Variants in PPFIBP1 observed in about 807,000 individuals in gnomAD.
The protein encoded by PPFIBP1 is PPFIB scaffold protein 1, also known as liprin-beta-1.
PPFIBP1 carries 112 observed loss-of-function variants against 137.8 expected under a neutral mutation model. The ratio of observed to expected loss-of-function variants is 0.81; its 90% CI spans 0.70 to 0.95. The LOEUF (loss-of-function observed/expected upper bound fraction) is 0.95, where lower values mean the gene tolerates loss of function less well. Among genes scored for constraint, PPFIBP1 ranks in the 40% least tolerant of loss-of-function variants. PPFIBP1 has a pLI of 0.00. For missense variants in PPFIBP1, 1,083 were observed against 1,196.6 expected, an observed-to-expected ratio of 0.91 and a Z score of 1.40; for synonymous variants, 378 against 417.3, an observed-to-expected ratio of 0.91 and a Z score of 1.15.
At chr12:27,550,993 T>TATATATATATATATA (rs1565751277) in intron 1 of PPFIBP1, among the ~76,000 whole-genome samples, 3 of 93,986 alleles carry the variant, frequency 3.2e-5, no homozygotes, top group African/African-American at 1.4e-4. Flanking sequence ...ATATATATAT[T>TATATATATATATATA]TTTTTTTTTT....
chr12:27,527,566 C>T (rs529165826), intron 1 of PPFIBP1, among the ~76,000 whole-genome samples: 6 of 152,116 alleles, frequency 3.9e-5, no homozygotes, highest in East Asian at 3.9e-4. Context: ...GATGTTATTA[C>T]GTGTCTCTGG....
At chr12:27,536,057 A>G (rs142909930) in intron 1 of PPFIBP1, among the ~76,000 whole-genome samples, 137 of 152,334 alleles carry the variant, frequency 9.0e-4, no homozygotes, top group South Asian at 2.3e-3. Flanking sequence ...TCTGTATGCA[A>G]TCAAGTTCTG....
chr12:27,617,508 A>T (rs1438995620), intron 2 of PPFIBP1, among the ~76,000 whole-genome samples: 3 of 152,188 alleles, frequency 2.0e-5, no homozygotes, highest in Non-Finnish European at 2.9e-5. Flanking sequence ...CTTGGTATCC[A>T]TGGAGGATTG....
chr12:27,646,184 C>A, intron 5 of PPFIBP1, 36 bp downstream of exon 5: 1 of 1,507,600 alleles, frequency 6.6e-7, no homozygotes, highest in Non-Finnish European at 9.2e-7. Context: ...TTCCTTGCAG[C>A]ATACTTACAA....
intron 3 of PPFIBP1, among the ~76,000 whole-genome samples, chr12:27,633,673 C>G (rs1475513418): frequency 6.6e-6 from 1 of 152,082 alleles, no homozygotes; most frequent in African/African-American, 2.4e-5. Context: ...TCAGTTCCAT[C>G]CTAGGTTTCT....
At chr12:27,660,788 C>T in intron 10 of PPFIBP1, 96 bp from the exon 11 acceptor site, 1 of 1,493,206 alleles carries the variant, frequency 6.7e-7, no homozygotes, top group South Asian at 1.4e-5. Flanking sequence ...TCATTAACAT[C>T]TTTACCTTAA....
intron 1 of PPFIBP1, among the ~76,000 whole-genome samples, chr12:27,570,754 C>CA (rs557270550): frequency 1.3e-5 from 2 of 150,232 alleles, no homozygotes; most frequent in Admixed American, 6.6e-5. Flanking sequence ...ACGAAAAATA[C>CA]AAAAAAAAAT....
intron 2 of PPFIBP1, among the ~76,000 whole-genome samples, chr12:27,606,593 C>T (rs929362264): frequency 9.9e-5 from 15 of 152,112 alleles, no homozygotes; most frequent in African/African-American, 3.1e-4. Context: ...AGGATATCTT[C>T]GAAATGGTTT....
chr12:27,676,635 C>G, intron 18 of PPFIBP1, 36 bp downstream of exon 18: 1 of 1,477,894 alleles, frequency 6.8e-7, no homozygotes, highest in Non-Finnish European at 9.1e-7. Context: ...CCTAATTCTT[C>G]CACAAGGAGG....
At chr12:27,532,049 G>A (rs1183241754) in intron 1 of PPFIBP1, among the ~76,000 whole-genome samples, 5 of 152,198 alleles carry the variant, frequency 3.3e-5, no homozygotes. Flanking sequence ...ATCTGATAAT[G>A]TATGTGAAGC....
At chr12:27,654,492 A>G (rs941967217) in intron 7 of PPFIBP1, 1 of 382,730 alleles carries the variant, frequency 2.6e-6, no homozygotes, top group African/African-American at 2.1e-5. Context: ...TTTTATTTTC[A>G]TAAGCCCATC....
At chr12:27,659,704 T>A (rs2059426904) in intron 10 of PPFIBP1, among the ~76,000 whole-genome samples, 1 of 152,136 alleles carries the variant, frequency 6.6e-6, no homozygotes, top group Non-Finnish European at 1.5e-5. Context: ...TTCCCCCAGA[T>A]GTTAAATTCT....
At chr12:27,626,181 A>G (rs2056804832) in intron 2 of PPFIBP1, among the ~76,000 whole-genome samples, 1 of 152,206 alleles carries the variant, frequency 6.6e-6, no homozygotes, top group African/African-American at 2.4e-5. Flanking sequence ...TGACAGATAC[A>G]GAGCAGAGAA....
At chr12:27,621,208 A>G (rs920707430) in intron 2 of PPFIBP1, among the ~76,000 whole-genome samples, 3 of 152,272 alleles carry the variant, frequency 2.0e-5, no homozygotes, top group African/African-American at 7.2e-5. Flanking sequence ...CTGTTGTGGC[A>G]TGAAAGCCAC....
chr12:27,656,165 T>C (rs1443416246), intron 8 of PPFIBP1, among the ~76,000 whole-genome samples: 1 of 125,848 alleles, frequency 7.9e-6, no homozygotes, highest in Non-Finnish European at 1.6e-5. Flanking sequence ...AATGAAACTC[T>C]GTGCTTGTCA....
intron 1 of PPFIBP1, among the ~76,000 whole-genome samples, chr12:27,575,492 A>G (rs1419589921): frequency 6.6e-5 from 10 of 152,168 alleles, no homozygotes; most frequent in Admixed American, 5.9e-4. Context: ...ATAGTAACAA[A>G]TGTGTTTTTT....
chr12:27,540,103 C>T lies in PPFIBP1; in HGVS notation c.-124+15738C>T, dbSNP rs528350783. 6.0e-5 allele frequency among the ~76,000 whole-genome samples: 9 copies of T among 150,704 alleles called. No homozygotes were observed. In the South Asian group the frequency reaches 1.9e-3, roughly 32 times the overall value. ...TTAGAGACAGGGTCTTCCTCTGTCA[C>T]CCAGGCTGGAGTGATGTGATTATAG... On this transcript the variant is annotated intron_variant, in intron 1 of 29. Coordinates refer to ENST00000228425, the MANE Select transcript of PPFIBP1 (RefSeq NM_003622.4).
chr12:27,620,749 A>G (rs1445178966), intron 2 of PPFIBP1, among the ~76,000 whole-genome samples: 1 of 152,052 alleles, frequency 6.6e-6, no homozygotes, highest in Non-Finnish European at 1.5e-5. Flanking sequence ...TATTGTAAGG[A>G]TTAATTGAAT....
intron 10 of PPFIBP1, among the ~76,000 whole-genome samples, chr12:27,659,448 A>AG (rs1164253591): frequency 8.4e-5 from 1 of 11,952 alleles, no homozygotes; most frequent in Admixed American, 1.1e-3. Flanking sequence ...CTGTCTCTAC[A>AG]AAAAAAAATT....
Sources: gnomAD v4.1 joint callset for allele counts (sites outside exome capture counted in the v4.1 genomes callset) on GRCh38, gnomAD v4.1.1 for gene constraint, MANE v1.5 for transcripts, NCBI Gene and HGNC (gene_info 2026-07-23, HGNC 2026-07-21) for gene names.